CLSTN2: variants seen among roughly 807,000 people sequenced by gnomAD.
CLSTN2 encodes calsyntenin 2.
In CLSTN2, 48 loss-of-function variants were observed where a neutral mutation model predicts 101.2. The observed-to-expected ratio is 0.47, with a 90% CI of 0.38 to 0.60. CLSTN2 has a LOEUF of 0.60. Among genes scored for constraint, CLSTN2 ranks in the 20% least tolerant of loss-of-function variants. The pLI is 0.00. For synonymous variants in CLSTN2, 481 were observed against 463.6 expected (o/e 1.04, Z -0.48); for missense variants, 1,160 against 1,238.2 (o/e 0.94, Z 0.95).
chr3:140,219,958 G>A (rs938279883), intron 2 of CLSTN2, among the ~76,000 whole-genome samples: 23 of 152,136 alleles, frequency 1.5e-4, no homozygotes, highest in African/African-American at 5.3e-4. Context: ...TCAACCCCAG[G>A]AGGAATATCC....
intron 1 of CLSTN2, among the ~76,000 whole-genome samples, chr3:140,165,759 C>A (rs2010125807): frequency 6.6e-6 from 1 of 152,060 alleles, no homozygotes; most frequent in Non-Finnish European, 1.5e-5. Context: ...CCTATCCTGG[C>A]CTGACTGAAG....
intron 8 of CLSTN2, among the ~76,000 whole-genome samples, chr3:140,482,093 G>A (rs1429131451): frequency 2.6e-5 from 4 of 152,130 alleles, no homozygotes; most frequent in Admixed American, 6.5e-5. Context: ...GTTTGTCATA[G>A]ATAGCTCTTA....
At chr3:140,232,865 G>A (rs1435866340) in intron 2 of CLSTN2, among the ~76,000 whole-genome samples, 2 of 151,962 alleles carry the variant, frequency 1.3e-5, no homozygotes, top group Admixed American at 1.3e-4. Flanking sequence ...TCTGACCTGT[G>A]TCACTAGCTT....
chr3:140,428,056 C>T (rs1380359872), intron 5 of CLSTN2, among the ~76,000 whole-genome samples: 3 of 152,146 alleles, frequency 2.0e-5, no homozygotes, highest in Non-Finnish European at 4.4e-5. Context: ...TGGGCCCAGC[C>T]AGAGATTGAG....
chr3:140,433,309 G>A (rs1451222543), intron 5 of CLSTN2, among the ~76,000 whole-genome samples: 2 of 152,220 alleles, frequency 1.3e-5, no homozygotes, highest in African/African-American at 4.8e-5. Flanking sequence ...GGATAACAAG[G>A]TCATTCATCA....
chr3:140,007,321 T>A (rs2006978281), intron 1 of CLSTN2, among the ~76,000 whole-genome samples: 1 of 152,172 alleles, frequency 6.6e-6, no homozygotes, highest in African/African-American at 2.4e-5. Context: ...AAGGCCTGAT[T>A]AGATGGTGTG....
At chr3:140,336,281 T>G (rs114480669) in intron 2 of CLSTN2, among the ~76,000 whole-genome samples, 95 of 152,316 alleles carry the variant, frequency 6.2e-4, no homozygotes, top group African/African-American at 2.0e-3. Context: ...CTGATATTCA[T>G]TTCTCCATTA....
In CLSTN2 at chr3:140,490,099, TATATATATATATATATATACACAC is replaced by T. The variant is rs1559884907; in HGVS notation, c.1344+23370_1344+23393del. Among the ~76,000 whole-genome samples the T allele has an allele frequency of 8.9e-4, 14 of 15,696 alleles. 4 individuals carry two copies. The highest frequency in any genetic ancestry group is 1.4e-3 in the Non-Finnish European group (11 of 8,064). 10.3% of individuals were successfully genotyped at this position (15,696 alleles called of 152,430 possible). A position where few individuals can be genotyped will look rare whatever the true frequency, so the allele number is the denominator to read the frequency against. On this transcript the variant is annotated intron_variant, in intron 8 of 16. Transcript: ENST00000458420. Reference sequence around the variant, plus strand: ...GTGTGTGTGTGTGTGTATATATATATATATATATATATATATATACACACACACACACACACACACACACACACA... The same window carrying T: ...GTGTGTGTGTGTGTGTATATATATATACACACACACACACACACACACACA...
At chr3:140,215,828 A>G (rs540957965) in intron 2 of CLSTN2, among the ~76,000 whole-genome samples, 2 of 152,352 alleles carry the variant, frequency 1.3e-5, no homozygotes, top group Non-Finnish European at 2.9e-5. Flanking sequence ...ACAGTGCTTG[A>G]CATATGGTGA....
At position 140,576,099 on chromosome 3, in the gene CLSTN2, G is replaced by A. The variant is rs1020090524; in HGVS notation, c.*9846G>A. 1 of 152,130 alleles carries A rather than the reference G, an allele frequency of 6.6e-6. No individual in the cohort carries two copies. The highest frequency in any genetic ancestry group is 1.5e-5 in the Non-Finnish European group (1 of 68,024). 9.4% of individuals were successfully genotyped at this position (152,130 alleles called of 1,614,324 possible). Reference sequence around the variant, plus strand: ...AGTATGAGTATACCCCAAATTGAATGAGCCACAGAGAAATGCATCCAGCCA... The same window carrying A: ...AGTATGAGTATACCCCAAATTGAATAAGCCACAGAGAAATGCATCCAGCCA... On this transcript the variant is annotated 3_prime_UTR_variant, in exon 17 of 17. Coordinates refer to ENST00000458420, the MANE Select transcript of CLSTN2 (RefSeq NM_022131.3).
chr3:140,422,132 T>C (rs539142887), intron 5 of CLSTN2, among the ~76,000 whole-genome samples: 70 of 152,284 alleles, frequency 4.6e-4, no homozygotes, highest in Middle Eastern at 3.4e-3. Context: ...CTGCCTTCTC[T>C]TGGTGTGTCT....
intron 2 of CLSTN2, among the ~76,000 whole-genome samples, chr3:140,194,107 C>A (rs563666179): frequency 1.3e-5 from 2 of 152,188 alleles, no homozygotes; most frequent in Non-Finnish European, 1.5e-5. Flanking sequence ...AAATCTTTGT[C>A]AATATCTTAG....
intron 1 of CLSTN2, among the ~76,000 whole-genome samples, chr3:140,017,585 T>C (rs1176784635): frequency 6.6e-6 from 1 of 152,208 alleles, no homozygotes; most frequent in East Asian, 1.9e-4. Context: ...TGTGTAGGGC[T>C]GTGCATACAG....
chr3:139,944,340 A>G (rs1935183798), intron 1 of CLSTN2, among the ~76,000 whole-genome samples: 1 of 152,180 alleles, frequency 6.6e-6, no homozygotes, highest in Admixed American at 6.5e-5. Context: ...TTAAAATAAC[A>G]CCAATGCCCA....
chr3:140,387,181 G>C (rs193109626), intron 2 of CLSTN2, among the ~76,000 whole-genome samples: 3 of 152,166 alleles, frequency 2.0e-5, no homozygotes, highest in Non-Finnish European at 4.4e-5. Flanking sequence ...AAAAGCATGG[G>C]TAGGAGGAGA....
rs551077629 is a variant in CLSTN2 at position 140,381,713 on chromosome 3, G to C, written c.233-21916G>C. 2.0e-5 allele frequency among the ~76,000 whole-genome samples: 3 copies of C among 152,270 alleles called. No individual in the cohort carries two copies. The South Asian group carries it at 6.2e-4, about 32-fold the overall frequency. On this transcript the variant is annotated intron_variant, in intron 2 of 16. Coordinates refer to ENST00000458420, the MANE Select transcript of CLSTN2 (RefSeq NM_022131.3). ...GGATCTGAGTGTACCACACCAGCAG[G>C]GACCTCCCAGGTGGATCAGCCAGAT...
Position 140,567,097 on chromosome 3 carries a change from GACAACAAGGACACAACACAACAC to G in CLSTN2, c.*857_*879del, listed in dbSNP as rs1309152152. ...ACACAACAAGGACAGTCACAACAAGGACAACAAGGACACAACACAACACACAACAAGGACAGTCACAACAAGCC... is the reference window on the plus strand; with the variant it reads ...ACACAACAAGGACAGTCACAACAAGGACAACAAGGACAGTCACAACAAGCC... On this transcript the variant is annotated 3_prime_UTR_variant, in exon 17 of 17. Coordinates refer to ENST00000458420, the MANE Select transcript of CLSTN2 (RefSeq NM_022131.3). 1.3e-5 allele frequency: 2 copies of G among 153,066 alleles called. No individual in the cohort carries two copies. The highest frequency in any genetic ancestry group is 2.9e-5 in the Non-Finnish European group (2 of 68,776). 9.5% of individuals were successfully genotyped at this position (153,066 alleles called of 1,614,324 possible).
chr3:139,945,438 G>A (rs1450819766), intron 1 of CLSTN2, among the ~76,000 whole-genome samples: 1 of 152,202 alleles, frequency 6.6e-6, no homozygotes, highest in East Asian at 1.9e-4. Flanking sequence ...AATCTTCGAG[G>A]CTTAAACCCC....
At chr3:140,052,099 G>C (rs2008008267) in intron 1 of CLSTN2, among the ~76,000 whole-genome samples, 1 of 152,120 alleles carries the variant, frequency 6.6e-6, no homozygotes. Flanking sequence ...CTTTCTCCAG[G>C]CCTGGCTGGC....
Sources: gnomAD v4.1 joint callset for allele counts (sites outside exome capture counted in the v4.1 genomes callset) on GRCh38, gnomAD v4.1.1 for gene constraint, MANE v1.5 for transcripts, NCBI Gene and HGNC (gene_info 2026-07-23, HGNC 2026-07-21) for gene names.